The following JAG2 variants were observed in gnomAD, a reference collection of about 807,000 sequenced individuals.
The protein encoded by JAG2 is protein jagged-2.
A neutral mutation model predicts 141.7 loss-of-function variants in JAG2; 46 were observed. The ratio of observed to expected loss-of-function variants is 0.32; its 90% CI spans 0.26 to 0.42. The LOEUF (loss-of-function observed/expected upper bound fraction) is 0.42. JAG2 is among the 10% of genes least tolerant of loss of function. The probability of loss-of-function intolerance (pLI) is 1.00; values close to 1 mark genes in which losing one functional copy is unlikely to be tolerated. For synonymous variants in JAG2, 862 were observed against 763.5 expected (o/e 1.13, Z -2.13); for missense variants, 1,500 against 1,817.5 (o/e 0.83, Z 3.18).
intron 2 of JAG2, among the ~76,000 whole-genome samples, chr14:105,162,000 G>C (rs1280329903): frequency 2.6e-5 from 4 of 152,212 alleles, no homozygotes; most frequent in African/African-American, 9.7e-5. Flanking sequence ...GATTGGGCGG[G>C]GGTTGGCGGG....
chr14:105,142,965 G>A lies in JAG2; in HGVS notation c.3447C>T (p.Tyr1149=). 1.2e-6 allele frequency: 2 copies of A among 1,610,326 alleles called. No individual in the cohort carries two copies. The highest frequency in any genetic ancestry group is 8.5e-7 in the Non-Finnish European group (1 of 1,179,054). Residue 1149 remains tyrosine (Y), a synonymous_variant, in exon 26 of 26, where the codon TAC becomes TAT. Transcript: ENST00000331782. ...ERPGGHKDVL[Y]QCKNFTPPPR... ...GCGGCGGCGTGAAGTTCTTGCACTGGTAGAGCACGTCCTTGTGGCCCCCCG... is the reference window on the plus strand; with the variant it reads ...GCGGCGGCGTGAAGTTCTTGCACTGATAGAGCACGTCCTTGTGGCCCCCCG...
In JAG2 at chr14:105,146,743, CT is replaced by C; in HGVS notation, c.2480-20del. On this transcript the variant is annotated intron_variant, in intron 20 of 25. Coordinates refer to ENST00000331782, the MANE Select transcript of JAG2 (RefSeq NM_002226.5). The stretch of plus-strand genomic sequence containing the variant: ...TCGATGTCTGCAGGGAGAGCCACCG[CT>C]GCTCAGTGCAGTGAGGCCAACGCCC... 1 of 1,591,468 alleles carries C rather than the reference CT, an allele frequency of 6.3e-7. No individual in the cohort carries two copies. Among genetic ancestry groups the C allele is most frequent in the South Asian group, 1.1e-5 (1 of 90,300 alleles).
chr14:105,167,979 G>A lies in JAG2; in HGVS notation c.195C>T (p.Asp65=), dbSNP rs2141000244. 7.5e-6 allele frequency: 12 copies of A among 1,603,376 alleles called. No homozygotes were observed. The highest frequency in any genetic ancestry group is 3.3e-5 in the South Asian group (3 of 90,678). ...RTTRAGGCGH[D]ECDTYVRVCL... is the part of the protein sequence containing the mutation. ...ACACGCGCACGTACGTGTCGCACTC[G>A]TCGTGGCCGCAGCCCCCCGCGCGCG... The change falls in exon 2 of 26, where the codon GAC becomes GAT. Residue 65 remains aspartate, a synonymous_variant. Coordinates refer to ENST00000331782, the MANE Select transcript of JAG2 (RefSeq NM_002226.5). This position sits in a 1 kb window ranked among gnomAD's most constrained non-coding sequence, Gnocchi z 4.8.
rs752320361 is a variant in JAG2, at chr14:105,146,473, G to A, written c.2621C>T (p.Ser874Phe). ...TCCGTGTGGGAACGGAGTGCCCCGGGACCAGCAGGATCTCCCGAACCCGAT... is the reference window on the plus strand; with the variant it reads ...TCCGTGTGGGAACGGAGTGCCCCGGAACCAGCAGGATCTCCCGAACCCGAT... ...EVIGFGRSCW[S>F]RGTPFPHGSS... Residue 874 changes from serine (S) to phenylalanine (F), a missense_variant, in exon 22 of 26, where the codon TCC becomes TTC. By Grantham distance (155) the Ser-to-Phe change is radical. Coordinates refer to ENST00000331782, the MANE Select transcript of JAG2 (RefSeq NM_002226.5). 1 of 1,612,786 alleles carries A rather than the reference G, an allele frequency of 6.2e-7. No individual in the cohort carries two copies. Among genetic ancestry groups the A allele is most frequent in the Non-Finnish European group, 8.5e-7 (1 of 1,179,902 alleles).
Position 105,154,642 on chromosome 14 carries a change from C to T in JAG2, c.788+920G>A, listed in dbSNP as rs1241590301. Among the ~76,000 whole-genome samples, 5 of 152,288 alleles carry T rather than the reference C, an allele frequency of 3.3e-5. No homozygotes were observed. Among genetic ancestry groups the T allele is most frequent in the African/African-American group, 1.2e-4 (5 of 41,566 alleles). ...CCTGACCTGTGGCAGCCGGGACTTG[C>T]TCCTTGGCCTCCCTCCTCTCTGCCT... On this transcript the variant is annotated intron_variant, in intron 5 of 25. Transcript: ENST00000331782. This position sits in a 1 kb window ranked among gnomAD's most constrained non-coding sequence, Gnocchi z 4.4.
rs770505012 is a variant in JAG2 at position 105,149,263 on chromosome 14, G to T, written c.1660C>A (p.Leu554Met). Residue 554 changes from leucine to methionine, a missense_variant, in exon 13 of 26, where the codon CTG becomes ATG. This residue lies in a region of JAG2 where 875 missense variants were observed against 1,202.2 expected (regional missense o/e 0.73). Transcript: ENST00000331782. ...PCRNGARCYN[L>M]EGDYYCACPD... Reference sequence around the variant, plus strand: ...CAGGCGCAGTAATAGTCACCCTCCAGGTTATAGCAGCGAGCGCCGTTCCGG... The same window carrying T: ...CAGGCGCAGTAATAGTCACCCTCCATGTTATAGCAGCGAGCGCCGTTCCGG... 14 of 1,612,708 alleles carry T rather than the reference G, an allele frequency of 8.7e-6. No individual in the cohort carries two copies. Among genetic ancestry groups the T allele is most frequent in the Non-Finnish European group, 1.2e-5 (14 of 1,179,972 alleles).
In JAG2 at chr14:105,148,199, C is replaced by G. The variant is rs1411544359; in HGVS notation, c.2165G>C (p.Ser722Thr). Residue 722 changes from serine to threonine, a missense_variant, in exon 17 of 26, where the codon AGC becomes ACC. Around this residue, in one of 3 missense-constraint regions of JAG2, gnomAD observed 875 missense variants for 1,202.2 expected, o/e 0.73. Coordinates refer to ENST00000331782, the MANE Select transcript of JAG2 (RefSeq NM_002226.5). ...GCTGTCGTAGCAGGTGCCACCGTTG[C>G]TGCAGGTGTAGGCATCGCACTGGAA... is the stretch of plus-strand genomic sequence containing the variant. ...REFQCDAYTC[S>T]NGGTCYDSGD... 1 of 1,555,752 alleles carries G rather than the reference C, an allele frequency of 6.4e-7. No homozygotes were observed. The highest frequency in any genetic ancestry group is 8.7e-7 in the Non-Finnish European group (1 of 1,150,132).
rs748270220 is a variant in JAG2, at chr14:105,146,498, T to A, written c.2596A>T (p.Ile866Phe). Reference sequence around the variant, plus strand: ...GACCAGCAGGATCTCCCGAACCCGATCACTGTGGGGAGAAGGGGCTCGAGG... The same window carrying A: ...GACCAGCAGGATCTCCCGAACCCGAACACTGTGGGGAGAAGGGGCTCGAGG... ...GRAGPRCQEVIGFGRSCWSRG... is the reference protein window; with the variant it reads ...GRAGPRCQEVFGFGRSCWSRG... The change falls in exon 22 of 26, where the codon ATC becomes TTC. Residue 866 changes from isoleucine to phenylalanine, a missense_variant and splice_region_variant. Physicochemically the swap from Ile to Phe is conservative, Grantham distance 21. Transcript: ENST00000331782. 1 of 1,612,562 alleles carries A rather than the reference T, an allele frequency of 6.2e-7. No individual in the cohort carries two copies.
intron 20 of JAG2, chr14:105,146,994 G>A (rs999534937): frequency 1.6e-5 from 10 of 617,310 alleles, no homozygotes; most frequent in Non-Finnish European, 2.6e-5. Flanking sequence ...GACCAGCCAA[G>A]GGGTGCTGGA....
At chr14:105,146,315 C>T in intron 22 of JAG2, 70 bp downstream of exon 22, 2 of 1,353,166 alleles carry the variant, frequency 1.5e-6, no homozygotes, top group Non-Finnish European at 2.1e-6. Flanking sequence ...GCCTCCTGAT[C>T]TCACAGAGTG....
In JAG2 at chr14:105,150,627, C is replaced by T. The variant is rs1446734193; in HGVS notation, c.1579G>A (p.Gly527Ser). ...ACCTCACAGAGAGGCCCGGAGAAGC[C>T]CTGGGGGCAGTGGCAGTGGAAGCCG... ...ADGFHCHCPQ[G>S]FSGPLCEVDV... Residue 527 changes from glycine to serine, a missense_variant, in exon 12 of 26, where the codon GGC (glycine) becomes AGC (serine). Transcript: ENST00000331782. 1 of 1,549,444 alleles carries T rather than the reference C, an allele frequency of 6.5e-7. No individual in the cohort carries two copies.
chr14:105,145,925 G>A lies in JAG2; in HGVS notation c.2758C>T (p.Leu920=), dbSNP rs199604226. 1.3e-5 allele frequency: 21 copies of A among 1,577,544 alleles called. No individual in the cohort carries two copies. Among genetic ancestry groups the A allele is most frequent in the African/African-American group, 1.1e-4 (8 of 74,250 alleles). Residue 920 remains leucine (L), a synonymous_variant, in exon 23 of 26, where the codon CTG becomes TTG. Transcript: ENST00000331782. ...TGCCCCAGTGGGCACTGGGCGCTCA[G>A]GGCCTCGGGCTGGCCGGCCAGCAGA... is the stretch of plus-strand genomic sequence containing the variant. ...PCLLAGQPEA[L]SAQCPLGQRC...
Position 105,142,364 on chromosome 14 carries a change from T to C in JAG2, c.*331A>G, listed in dbSNP as rs1888082835. 7.2e-6 allele frequency: 2 copies of C among 276,456 alleles called. No individual in the cohort carries two copies. Among genetic ancestry groups the C allele is most frequent in the Admixed American group, 1.0e-4 (2 of 19,268 alleles). 17.1% of individuals were successfully genotyped at this position (276,456 alleles called of 1,614,324 possible). A position where few individuals can be genotyped will look rare whatever the true frequency, so the allele number is the denominator to read the frequency against. On this transcript the variant is annotated 3_prime_UTR_variant, in exon 26 of 26. Transcript: ENST00000331782. ...CGAGTGAGGAATAAAAGGAAGATTC[T>C]GTAAACAGTGCACAACCTCTGGTAA...
rs1232245948 is a variant in JAG2, at chr14:105,142,976, C to T, written c.3436G>A (p.Asp1146Asn). 2 of 1,610,030 alleles carry T rather than the reference C, an allele frequency of 1.2e-6. No individual in the cohort carries two copies. The highest frequency in any genetic ancestry group is 1.7e-5 in the Admixed American group (1 of 59,978). ...AAGTTCTTGCACTGGTAGAGCACGT[C>T]CTTGTGGCCCCCCGGCCGCTCAATG... Reference protein sequence around the residue: ...NPIERPGGHKDVLYQCKNFTP... With the variant: ...NPIERPGGHKNVLYQCKNFTP... The change falls in exon 26 of 26, where the codon GAC becomes AAC. Residue 1146 changes from aspartate (D) to asparagine (N), a missense_variant. Physicochemically the swap from Asp to Asn is conservative, Grantham distance 23 (BLOSUM62 1). Transcript: ENST00000331782.
intron 23 of JAG2, 58 bp from the exon 24 acceptor site, chr14:105,145,119 C>A (rs1489055571): frequency 6.4e-5 from 103 of 1,599,586 alleles, no homozygotes; most frequent in Non-Finnish European, 8.6e-5. Context: ...ACACCTACAT[C>A]CCTGGACTGG....
At chr14:105,144,668 G>A (rs1595172252) in intron 24 of JAG2, among the ~76,000 whole-genome samples, 1 of 152,218 alleles carries the variant, frequency 6.6e-6, no homozygotes, top group South Asian at 2.1e-4. Context: ...GACAAAAACA[G>A]AGCAGGGGAC....
Position 105,151,645 on chromosome 14 carries a change from G to A in JAG2, c.1134C>T (p.Ser378=), listed in dbSNP as rs777609396. 61 of 1,607,904 alleles carry A rather than the reference G, an allele frequency of 3.8e-5. 1 individual carries two copies. The Middle Eastern group carries it at 5.0e-4, about 13-fold the overall frequency. The change falls in exon 8 of 26, where the codon AGC becomes AGT. Residue 378 remains serine (S), a synonymous_variant. Coordinates refer to ENST00000331782, the MANE Select transcript of JAG2 (RefSeq NM_002226.5). ...ACTCACCAAGGGCACAGGTGGGCCCGCTCCAGCCCGATGGGCAGTGGCATT... is the reference window on the plus strand; with the variant it reads ...ACTCACCAAGGGCACAGGTGGGCCCACTCCAGCCCGATGGGCAGTGGCATT... ...GFECHCPSGW[S]GPTCALDIDE...
At chr14:105,160,490 T>A (rs1331384564) in intron 2 of JAG2, among the ~76,000 whole-genome samples, 1 of 151,704 alleles carries the variant, frequency 6.6e-6, no homozygotes, top group Middle Eastern at 3.4e-3. Flanking sequence ...ACAGCAGGCA[T>A]GCCTCTGCCA....
chr14:105,148,036 C>G (rs908083783), intron 17 of JAG2, 80 bp downstream of exon 17: 1 of 1,277,372 alleles, frequency 7.8e-7, no homozygotes, highest in African/African-American at 1.5e-5. Flanking sequence ...AAAAAAGACC[C>G]CTCGGCCCAT....
Sources: gnomAD v4.1 joint callset for allele counts (sites outside exome capture counted in the v4.1 genomes callset) on GRCh38, gnomAD v4.1.1 for gene constraint, gnomAD v4.1.1 regional missense constraint, Gnocchi (gnomAD v3.1) non-coding constraint, MANE v1.5 for transcripts, NCBI Gene and HGNC (gene_info 2026-07-23, HGNC 2026-07-21) for gene names.